LRP1B: variants seen among roughly 807,000 people sequenced by gnomAD.
LRP1B encodes the protein LDL receptor related protein 1B, also known as low-density lipoprotein receptor-related protein 1B.
In LRP1B, 217 loss-of-function variants were observed where a neutral mutation model predicts 556.6. That is an observed-to-expected ratio of 0.39 (90% CI 0.35 to 0.44). The LOEUF is 0.44. Among genes scored for constraint, LRP1B ranks in the 20% least tolerant of loss-of-function variants. LRP1B has a pLI of 1.00. For synonymous variants in LRP1B, 2,047 were observed against 1,865.8 expected (o/e 1.10, Z -2.50); for missense variants, 5,053 against 5,620.8 (o/e 0.90, Z 3.23).
At chr2:141,335,127 T>C (rs902876400) in intron 3 of LRP1B, among the ~76,000 whole-genome samples, 18 of 152,162 alleles carry the variant, frequency 1.2e-4, no homozygotes, top group African/African-American at 4.3e-4. Flanking sequence ...TAGCTACAAA[T>C]ACTACAACTT....
chr2:141,628,436 T>C lies in LRP1B; in HGVS notation c.206-147903A>G, dbSNP rs186434475. On this transcript the variant is annotated intron_variant, in intron 2 of 90. Coordinates refer to ENST00000389484, the MANE Select transcript of LRP1B (RefSeq NM_018557.3). ...CACTTTCTTAATGTTGGGTAAACAA[T>C]GAATAGGATGTAAAAAAAAAAATTC... Among the ~76,000 whole-genome samples, 240 of 151,984 alleles carry C rather than the reference T, an allele frequency of 1.6e-3. 2 individuals are homozygous for C. The highest frequency in any genetic ancestry group is 5.5e-3 in the African/African-American group (229 of 41,446).
chr2:140,530,818 A>C (rs1690659574), intron 47 of LRP1B, among the ~76,000 whole-genome samples: 2 of 152,166 alleles, frequency 1.3e-5, no homozygotes, highest in South Asian at 2.1e-4. Context: ...AGAAAGGTTA[A>C]GGGAGAAGCT....
Position 141,229,344 on chromosome 2 carries a change from A to T in LRP1B, c.689T>A (p.Val230Asp). The change falls in exon 6 of 91, where the codon GTC becomes GAC. Residue 230 changes from valine to aspartate, a missense_variant. Physicochemically the swap from Val to Asp is radical, Grantham distance 152. This residue lies in a region of LRP1B where 3,619 missense variants were observed against 3,931.9 expected (regional missense o/e 0.92). Transcript: ENST00000389484. The part of the protein sequence containing the change: ...NGSKMATLSS[V>D]NGNEIHTLDF... ...CAGAGTATGAATTTCATTTCCATTG[A>T]CTGAGCTTAGAGTTGCCATTTTACT... is the stretch of plus-strand genomic sequence containing the variant. 1 of 1,612,834 alleles carries T rather than the reference A, an allele frequency of 6.2e-7. No homozygotes were observed. The highest frequency in any genetic ancestry group is 8.5e-7 in the Non-Finnish European group (1 of 1,179,138).
At chr2:141,919,457 C>A (rs571966570) in intron 1 of LRP1B, among the ~76,000 whole-genome samples, 2 of 152,096 alleles carry the variant, frequency 1.3e-5, no homozygotes, top group South Asian at 4.1e-4. Context: ...AAAGTTTATA[C>A]ATAGACAAAA....
chr2:141,999,216 G>A (rs976981262), intron 1 of LRP1B, among the ~76,000 whole-genome samples: 4 of 151,982 alleles, frequency 2.6e-5, no homozygotes, highest in African/African-American at 4.8e-5. Flanking sequence ...CCAATGGGAG[G>A]AGAGTATAAG....
At chr2:141,479,736 CT>C (rs1383966834) in intron 3 of LRP1B, among the ~76,000 whole-genome samples, 12 of 152,016 alleles carry the variant, frequency 7.9e-5, no homozygotes, top group African/African-American at 2.4e-4. Context: ...TCTTATTTCT[CT>C]TCATCTCATG....
At chr2:141,124,614 C>T (rs1479576793) in intron 7 of LRP1B, among the ~76,000 whole-genome samples, 2 of 140,578 alleles carry the variant, frequency 1.4e-5, no homozygotes, top group Non-Finnish European at 1.5e-5. Context: ...AATGTTTAAA[C>T]TGGGATAAAG....
chr2:142,108,150 T>G (rs1278962740), intron 1 of LRP1B, among the ~76,000 whole-genome samples: 1 of 151,352 alleles, frequency 6.6e-6, no homozygotes, highest in Non-Finnish European at 1.5e-5. Flanking sequence ...TCTTTAAAAA[T>G]TATATATAAT....
intron 46 of LRP1B, 125 bp downstream of exon 46, chr2:140,536,456 G>T: frequency 2.4e-6 from 2 of 844,096 alleles, no homozygotes; most frequent in Non-Finnish European, 3.6e-6. Context: ...AATTGCCTTA[G>T]ATACAGGTTA....
intron 3 of LRP1B, among the ~76,000 whole-genome samples, chr2:141,414,179 G>A (rs1467658710): frequency 6.7e-6 from 1 of 148,640 alleles, no homozygotes; most frequent in Admixed American, 6.7e-5. Flanking sequence ...GGAGCTTGCA[G>A]TGAGCGGAGA....
At chr2:141,940,874 C>A (rs1700777124) in intron 1 of LRP1B, among the ~76,000 whole-genome samples, 1 of 152,140 alleles carries the variant, frequency 6.6e-6, no homozygotes, top group Non-Finnish European at 1.5e-5. Flanking sequence ...GTTACAGATG[C>A]CAAACCTTGT....
chr2:141,764,584 A>G (rs977642782), intron 2 of LRP1B, among the ~76,000 whole-genome samples: 1 of 152,168 alleles, frequency 6.6e-6, no homozygotes, highest in Admixed American at 6.5e-5. Context: ...ACAGCCCTCT[A>G]CAAGCCAAAA....
At chr2:141,722,414 C>G (rs780903210) in intron 2 of LRP1B, among the ~76,000 whole-genome samples, 1 of 152,076 alleles carries the variant, frequency 6.6e-6, no homozygotes, top group Non-Finnish European at 1.5e-5. Context: ...TCAGTCCCTT[C>G]ATGCAGAAGG....
intron 18 of LRP1B, among the ~76,000 whole-genome samples, chr2:140,958,232 A>T (rs920029465): frequency 8.6e-5 from 13 of 151,590 alleles, no homozygotes; most frequent in African/African-American, 2.9e-4. Flanking sequence ...AGATATTTTT[A>T]AAAAATCTAT....
chr2:142,114,366 A>G (rs1707109863), intron 1 of LRP1B, among the ~76,000 whole-genome samples: 1 of 152,114 alleles, frequency 6.6e-6, no homozygotes, highest in African/African-American at 2.4e-5. Flanking sequence ...ATTGCAGTGA[A>G]TATTAAAATT....
Position 140,291,298 on chromosome 2 carries a change from T to TAA in LRP1B, c.12967+6509_12967+6510insTT, listed in dbSNP as rs1683362365. ...AGATACCACTTCAAGAAATTTTATT[T>TAA]TATATATATATATATATATATTTTT... On this transcript the variant is annotated intron_variant, in intron 84 of 90. Coordinates refer to ENST00000389484, the MANE Select transcript of LRP1B (RefSeq NM_018557.3). 8.3e-5 allele frequency among the ~76,000 whole-genome samples: 6 copies of TAA among 72,000 alleles called. No individual in the cohort carries two copies. The South Asian group carries it at 2.6e-3, about 31-fold the overall frequency. 47.2% of individuals were successfully genotyped at this position (72,000 alleles called of 152,430 possible). A position where few individuals can be genotyped will look rare whatever the true frequency, so the allele number is the denominator to read the frequency against.
intron 49 of LRP1B, among the ~76,000 whole-genome samples, chr2:140,518,765 T>G (rs1272722633): frequency 6.6e-6 from 1 of 152,164 alleles, no homozygotes; most frequent in Non-Finnish European, 1.5e-5. Flanking sequence ...CTTGCGATTT[T>G]TGCACATTGA....
rs185323646 is a variant in LRP1B, at chr2:141,529,309, T to C, written c.206-48776A>G. On this transcript the variant is annotated intron_variant, in intron 2 of 90. Coordinates refer to ENST00000389484, the MANE Select transcript of LRP1B (RefSeq NM_018557.3). ...TCCATTTTTAGTTAGCTGACGTGTA[T>C]ATTTCTTCAAAACCTAATAGATATT... is the stretch of plus-strand genomic sequence containing the variant. Among the ~76,000 whole-genome samples, 13 of 152,354 alleles carry C rather than the reference T, an allele frequency of 8.5e-5. No homozygotes were observed. The East Asian group carries it at 1.9e-3, about 23-fold the overall frequency.
At chr2:140,807,987 G>A (rs1233184945) in intron 32 of LRP1B, among the ~76,000 whole-genome samples, 1 of 152,188 alleles carries the variant, frequency 6.6e-6, no homozygotes, top group Non-Finnish European at 1.5e-5. Flanking sequence ...AGCTACTGGG[G>A]AGGCTGAGGC....
Sources: allele counts gnomAD v4.1 joint callset (sites outside exome capture counted in the v4.1 genomes callset), GRCh38; gene constraint gnomAD v4.1.1; regional missense constraint gnomAD v4.1.1; transcripts MANE v1.5; gene names NCBI Gene and HGNC (gene_info 2026-07-23, HGNC 2026-07-21).